ITGA5: variants seen among roughly 807,000 people sequenced by gnomAD.
ITGA5 encodes the protein integrin alpha-5.
A neutral mutation model predicts 146.3 loss-of-function variants in ITGA5; 55 were observed. The ratio of observed to expected loss-of-function variants is 0.38; its 90% CI spans 0.30 to 0.47. The LOEUF (loss-of-function observed/expected upper bound fraction) is 0.47. ITGA5 is among the 20% of genes least tolerant of loss of function. The pLI is 0.99. For missense variants in ITGA5, 1,131 were observed against 1,329.0 expected (o/e 0.85, Z 2.32); for synonymous variants, 500 against 531.8 (o/e 0.94, Z 0.82).
intron 1 of ITGA5, chr12:54,413,262 C>A (rs1343588131): frequency 6.5e-6 from 1 of 152,756 alleles, no homozygotes; most frequent in Admixed American, 6.6e-5. Flanking sequence ...AGGAGTGGCC[C>A]AGGAGGTATA....
intron 28 of ITGA5, among the ~76,000 whole-genome samples, chr12:54,398,086 C>G (rs565330070): frequency 6.6e-6 from 1 of 152,208 alleles, no homozygotes; most frequent in Non-Finnish European, 1.5e-5. Context: ...TTTGTAGAGA[C>G]AGGATCTCAC....
In ITGA5 at chr12:54,399,708, C is replaced by T; in HGVS notation, c.2778G>A (p.Leu926=). ...GCAGACTTTGGCTCTCTTGTTGGTG[C>T]AGGGGCCCGAGCTCACAGCGCAGCC... ...CFRLRCELGP[L]HQQESQSLQL... The change falls in exon 27 of 30, where the codon CTG becomes CTA. Residue 926 remains leucine (L), a synonymous_variant. Coordinates refer to ENST00000293379, the MANE Select transcript of ITGA5 (RefSeq NM_002205.5). 6.2e-7 allele frequency: 1 copy of T among 1,614,194 alleles called. No homozygotes were observed. The highest frequency in any genetic ancestry group is 8.5e-7 in the Non-Finnish European group (1 of 1,180,026).
chr12:54,399,560 G>T, intron 27 of ITGA5, 85 bp downstream of exon 27: 1 of 920,358 alleles, frequency 1.1e-6, no homozygotes, highest in South Asian at 1.3e-5. Flanking sequence ...CCAAAGGAGA[G>T]GTGGCTACTG....
In ITGA5 at chr12:54,407,881, G is replaced by A; in HGVS notation, c.818-5C>T. The A allele has an allele frequency of 1.9e-6, 3 of 1,574,248 alleles. No homozygotes were observed. Among genetic ancestry groups the A allele is most frequent in the Non-Finnish European group, 2.6e-6 (3 of 1,158,546 alleles). On this transcript the variant is annotated splice_region_variant and splice_polypyrimidine_tract_variant and intron_variant, in intron 7 of 29. Coordinates refer to ENST00000293379, the MANE Select transcript of ITGA5 (RefSeq NM_002205.5). ...CACCAACAGCCACAGAGTATCCTGGGGGACAGGGTGGGTGGATGTTAGGAT... is the reference window on the plus strand; with the variant it reads ...CACCAACAGCCACAGAGTATCCTGGAGGACAGGGTGGGTGGATGTTAGGAT...
rs1295257469 is a variant in ITGA5, at chr12:54,409,947, C to T, written c.350-350G>A. On this transcript the variant is annotated intron_variant, in intron 2 of 29. Coordinates refer to ENST00000293379, the MANE Select transcript of ITGA5 (RefSeq NM_002205.5). The surrounding 1 kb of genome is among the most constrained non-coding windows in gnomAD (Gnocchi z 4.7). ...TCTCGGCTCAGTGCAACCTCCGCCT[C>T]CCTGGTTCAAGGGATTCTCCTGCCT... is the stretch of plus-strand genomic sequence containing the variant. Among the ~76,000 whole-genome samples the T allele has an allele frequency of 6.6e-6, 1 of 151,754 alleles. No homozygotes were observed. The highest frequency in any genetic ancestry group is 1.9e-4 in the East Asian group (1 of 5,160).
At chr12:54,396,433 C>T in intron 29 of ITGA5, 57 bp from the exon 30 acceptor site, 1 of 1,373,174 alleles carries the variant, frequency 7.3e-7, no homozygotes, top group East Asian at 2.3e-5. Context: ...TTCTCCACAG[C>T]TCTTATTCCA....
At position 54,404,213 on chromosome 12, in the gene ITGA5, G is replaced by A; in HGVS notation, c.1497C>T (p.Leu499=). The A allele has an allele frequency of 6.2e-7, 1 of 1,602,294 alleles. No homozygotes were observed. The highest frequency in any genetic ancestry group is 8.5e-7 in the Non-Finnish European group (1 of 1,173,874). Residue 499 remains leucine (L), a synonymous_variant, in exon 15 of 30, where the codon CTC becomes CTT. Transcript: ENST00000293379. ...GRPIVSASAS[L]TIFPAMFNPE... is the part of the protein sequence containing the mutation. Reference sequence around the variant, plus strand: ...GGTTGAACATGGCGGGGAAGATGGTGAGGGAGGCACTAGCGGACACGATGG... The same window carrying A: ...GGTTGAACATGGCGGGGAAGATGGTAAGGGAGGCACTAGCGGACACGATGG...
rs1308424437 is a variant in ITGA5 at position 54,411,870 on chromosome 12, G to A, written c.313C>T (p.Pro105Ser). 1 of 1,593,136 alleles carries A rather than the reference G, an allele frequency of 6.3e-7. No individual in the cohort carries two copies. Among genetic ancestry groups the A allele is most frequent in the Non-Finnish European group, 8.5e-7 (1 of 1,169,644 alleles). Residue 105 changes from proline to serine, a missense_variant, in exon 2 of 30, where the codon CCC (proline) becomes TCC (serine). Physicochemically the swap from Pro to Ser is moderately conservative, Grantham distance 74. Around this residue, in one of 3 missense-constraint regions of ITGA5, gnomAD observed 175 missense variants for 179.3 expected, o/e 0.98. Coordinates refer to ENST00000293379, the MANE Select transcript of ITGA5 (RefSeq NM_002205.5). ...AVYLCPWGAS[P>S]TQCTPIEFDS... is the part of the protein sequence containing the mutation. Reference sequence around the variant, plus strand: ...AATTCAATGGGGGTGCACTGTGTGGGGCTGGCACCCCAAGGACAGAGGTAG... The same window carrying A: ...AATTCAATGGGGGTGCACTGTGTGGAGCTGGCACCCCAAGGACAGAGGTAG...
chr12:54,404,833 A>T lies in ITGA5; in HGVS notation c.1287T>A (p.Pro429=), dbSNP rs1312560399. ...TAGAGCCCAGCCCTCCTGGGCCCCC[A>T]GGAAATACAAACACTACTCCCTGCT... The part of the protein sequence containing the change: ...ETQQGVVFVF[P]GGPGGLGSKP... The change falls in exon 13 of 30, where the codon CCT becomes CCA. Residue 429 remains proline, a synonymous_variant. Transcript: ENST00000293379. The T allele has an allele frequency of 6.2e-7, 1 of 1,611,730 alleles. No individual in the cohort carries two copies. The highest frequency in any genetic ancestry group is 2.2e-5 in the East Asian group (1 of 44,864).
chr12:54,399,611 G>A (rs1955761081), intron 27 of ITGA5, 34 bp downstream of exon 27: 2 of 1,509,884 alleles, frequency 1.3e-6, no homozygotes, highest in African/African-American at 1.4e-5. Flanking sequence ...AGGCCCAAAG[G>A]TCAGGGGTCA....
intron 28 of ITGA5, among the ~76,000 whole-genome samples, chr12:54,397,967 A>G (rs991743978): frequency 8.7e-5 from 13 of 149,580 alleles, no homozygotes; most frequent in Non-Finnish European, 1.5e-5. Flanking sequence ...GTGTGATCTC[A>G]GCTTACTACA....
Position 54,402,072 on chromosome 12 carries a change from C to A in ITGA5, c.2155G>T (p.Asp719Tyr). ...CGGCTCTGGTTCACGGCAAAGTAGT[C>A]ACAGCTCAGGCTGGAGAAGTTCTGG... The part of the protein sequence containing the change: ...HPGNFSSLSC[D>Y]YFAVNQSRLL... Residue 719 changes from aspartate to tyrosine, a missense_variant, in exon 21 of 30, where the codon GAC becomes TAC. Transcript: ENST00000293379. The A allele has an allele frequency of 1.2e-6, 2 of 1,614,146 alleles. No homozygotes were observed. Among genetic ancestry groups the A allele is most frequent in the Non-Finnish European group, 1.7e-6 (2 of 1,180,024 alleles).
chr12:54,414,064 G>T (rs1296563280), intron 1 of ITGA5, among the ~76,000 whole-genome samples: 1 of 152,210 alleles, frequency 6.6e-6, no homozygotes, highest in East Asian at 1.9e-4. Flanking sequence ...ATCCATTCCG[G>T]CTGTGCGATG....
rs1955783931 is a variant in ITGA5, at chr12:54,401,524, G to A, written c.2388-46C>T. Reference sequence around the variant, plus strand: ...GAGGAGGGTGGAAGGAACCCCATATGCATCCTTCCCTAGAAGTCTGTGTCC... The same window carrying A: ...GAGGAGGGTGGAAGGAACCCCATATACATCCTTCCCTAGAAGTCTGTGTCC... On this transcript the variant is annotated intron_variant, in intron 23 of 29. Transcript: ENST00000293379. The surrounding 1 kb of genome is among the most constrained non-coding windows in gnomAD (Gnocchi z 5.0). 1.9e-6 allele frequency: 3 copies of A among 1,588,382 alleles called. No individual in the cohort carries two copies. Among genetic ancestry groups the A allele is most frequent in the East Asian group, 2.2e-5 (1 of 44,796 alleles).
Position 54,396,279 on chromosome 12 carries a change from G to T in ITGA5, c.*14C>A. On this transcript the variant is annotated 3_prime_UTR_variant, in exon 30 of 30. Transcript: ENST00000293379. Reference sequence around the variant, plus strand: ...ACTGGTTCTTCAGGAATGGGAGTCTGAAATTGGGAGGACTCAGGCATCAGA... The same window carrying T: ...ACTGGTTCTTCAGGAATGGGAGTCTTAAATTGGGAGGACTCAGGCATCAGA... 6.2e-7 allele frequency: 1 copy of T among 1,604,242 alleles called. No homozygotes were observed. The highest frequency in any genetic ancestry group is 8.5e-7 in the Non-Finnish European group (1 of 1,171,210).
rs768432076 is a variant in ITGA5 at position 54,402,293 on chromosome 12, G to A, written c.2020C>T (p.Leu674=). Residue 674 remains leucine, a synonymous_variant, in exon 20 of 30, where the codon CTG becomes TTG. Transcript: ENST00000293379. Reference sequence around the variant, plus strand: ...TTCTGGGCATGGAAAGTGAGGTTCAGGGCATTCTTGTCACCCAGGTACACA... The same window carrying A: ...TTCTGGGCATGGAAAGTGAGGTTCAAGGCATTCTTGTCACCCAGGTACACA... ...NHVYLGDKNA[L]NLTFHAQNVG... 6.2e-7 allele frequency: 1 copy of A among 1,614,122 alleles called. No individual in the cohort carries two copies. The highest frequency in any genetic ancestry group is 8.5e-7 in the Non-Finnish European group (1 of 1,179,986).
chr12:54,403,354 CAG>C lies in ITGA5; in HGVS notation c.1777-32_1777-31del. The C allele has an allele frequency of 6.7e-7, 1 of 1,503,248 alleles. No individual in the cohort carries two copies. The highest frequency in any genetic ancestry group is 8.9e-7 in the Non-Finnish European group (1 of 1,126,112). 93.1% of individuals were successfully genotyped at this position (1,503,248 alleles called of 1,614,324 possible). A position where few individuals can be genotyped will look rare whatever the true frequency, so the allele number is the denominator to read the frequency against. ...GGCCAGAGGAGAGAGTTCACGGAGT[CAG>C]GGGACTCTGGAGACTTAGTGGCCCT... On this transcript the variant is annotated intron_variant, in intron 17 of 29. Transcript: ENST00000293379. This position sits in a 1 kb window ranked among gnomAD's most constrained non-coding sequence, Gnocchi z 4.9.
At chr12:54,404,311 G>C (rs1689198951) in intron 14 of ITGA5, 65 bp from the exon 15 acceptor site, 1 of 1,570,704 alleles carries the variant, frequency 6.4e-7, no homozygotes, top group South Asian at 1.1e-5. Context: ...ACAGGAAACT[G>C]ATGCCCAAGC....
chr12:54,409,099 G>T lies in ITGA5; in HGVS notation c.583+133C>A. On this transcript the variant is annotated intron_variant, in intron 4 of 29. Transcript: ENST00000293379. The surrounding 1 kb of genome is among the most constrained non-coding windows in gnomAD (Gnocchi z 4.7). ...CAGTAAGCATAAAGGCTAACGAACT[G>T]GGTTAGCCTTTATCTTAAGCAACCT... 3 of 1,413,972 alleles carry T rather than the reference G, an allele frequency of 2.1e-6. No homozygotes were observed. The highest frequency in any genetic ancestry group is 2.3e-5 in the East Asian group (1 of 43,782). 87.6% of individuals were successfully genotyped at this position (1,413,972 alleles called of 1,614,324 possible).
Sources: allele counts gnomAD v4.1 joint callset (sites outside exome capture counted in the v4.1 genomes callset), GRCh38; gene constraint gnomAD v4.1.1; regional missense constraint gnomAD v4.1.1; non-coding constraint Gnocchi (gnomAD v3.1); transcripts MANE v1.5; gene names NCBI Gene and HGNC (gene_info 2026-07-23, HGNC 2026-07-21).